ARHGAP15: variants seen among roughly 807,000 people sequenced by gnomAD.
The protein encoded by ARHGAP15 is rho GTPase-activating protein 15.
In ARHGAP15, 51 loss-of-function variants were observed where a neutral mutation model predicts 63.7. The ratio of observed to expected loss-of-function variants is 0.80; its 90% CI spans 0.64 to 1.01. ARHGAP15 has a LOEUF of 1.01. Ranked by LOEUF, ARHGAP15 falls within the 50% of genes least tolerant of loss-of-function variation. The pLI, the probability that ARHGAP15 is intolerant of heterozygous loss-of-function variation, is 0.00. For synonymous variants in ARHGAP15, 191 were observed against 193.8 expected, an observed-to-expected ratio of 0.99 and a Z score of 0.12; for missense variants, 560 against 564.6, an observed-to-expected ratio of 0.99 and a Z score of 0.08.
chr2:143,372,234 C>T (rs1210328785), intron 6 of ARHGAP15, among the ~76,000 whole-genome samples: 9 of 150,680 alleles, frequency 6.0e-5, no homozygotes, highest in African/African-American at 1.7e-4. Context: ...CCCAGGTACT[C>T]GGAAGGAAGA....
At chr2:143,731,947 A>G (rs1385993317) in intron 13 of ARHGAP15, among the ~76,000 whole-genome samples, 1 of 152,230 alleles carries the variant, frequency 6.6e-6, no homozygotes, top group Non-Finnish European at 1.5e-5. Context: ...TGATGGGGTC[A>G]GTATTTAAAA....
At chr2:143,746,125 T>C (rs16822986) in intron 13 of ARHGAP15, among the ~76,000 whole-genome samples, 16,942 of 152,228 alleles carry the variant, frequency 0.11, 1,257 homozygotes, top group Admixed American at 0.17. Context: ...ATATATTATT[T>C]GGATTATGTA....
chr2:143,377,482 T>C (rs913130406), intron 6 of ARHGAP15, among the ~76,000 whole-genome samples: 2 of 151,974 alleles, frequency 1.3e-5, no homozygotes, highest in African/African-American at 2.4e-5. Flanking sequence ...AAGAGTTACA[T>C]ATTTTTCTGC....
intron 6 of ARHGAP15, among the ~76,000 whole-genome samples, chr2:143,279,163 T>C (rs182597451): frequency 2.8e-4 from 42 of 152,292 alleles, no homozygotes; most frequent in Admixed American, 2.4e-3. Context: ...GATGTTATTA[T>C]TTCTAGGGAA....
rs76736183 is a variant in ARHGAP15, at chr2:143,712,107, T to C, written c.1244+8583T>C. On this transcript the variant is annotated intron_variant, in intron 13 of 13. Coordinates refer to ENST00000295095, the MANE Select transcript of ARHGAP15 (RefSeq NM_018460.4). ...AAACAGTAGAATGCTGGTATAGTAG[T>C]CCAAGCTAGAGATCCCCAGCTAAGG... Among the ~76,000 whole-genome samples, 674 of 152,172 alleles carry C rather than the reference T, an allele frequency of 4.4e-3. 3 individuals are homozygous for C. The highest frequency in any genetic ancestry group is 6.8e-3 in the Non-Finnish European group (460 of 67,992).
At chr2:143,511,765 A>G (rs1430562389) in intron 9 of ARHGAP15, among the ~76,000 whole-genome samples, 1 of 152,154 alleles carries the variant, frequency 6.6e-6, no homozygotes, top group Non-Finnish European at 1.5e-5. Flanking sequence ...ATGGATTTCT[A>G]TCATTGAATT....
chr2:143,241,003 C>G (rs2104947098), intron 5 of ARHGAP15, among the ~76,000 whole-genome samples: 1 of 152,192 alleles, frequency 6.6e-6, no homozygotes, highest in South Asian at 2.1e-4. Context: ...ACCTTAGGCT[C>G]TCTCAGAAAA....
intron 13 of ARHGAP15, among the ~76,000 whole-genome samples, chr2:143,743,087 G>GCAAA (rs1264144825): frequency 9.9e-5 from 15 of 152,188 alleles, no homozygotes; most frequent in Non-Finnish European, 2.2e-4. Flanking sequence ...AAAAAGAATA[G>GCAAA]CAAACAGAGA....
chr2:143,485,060 A>AT (rs1200439106), intron 8 of ARHGAP15, among the ~76,000 whole-genome samples: 4 of 151,946 alleles, frequency 2.6e-5, no homozygotes, highest in African/African-American at 9.7e-5. Context: ...TATAGTACCC[A>AT]TTTTTTAAAG....
intron 6 of ARHGAP15, among the ~76,000 whole-genome samples, chr2:143,330,132 C>CAAAAAAAAAAAAAAAA (rs367621500): frequency 4.1e-5 from 2 of 48,932 alleles, no homozygotes; most frequent in Admixed American, 3.2e-4. Context: ...AAAAAAAAAA[C>CAAAAAAAAAAAAAAAA]CAAAAACAAA....
chr2:143,651,785 G>T (rs920342931), intron 12 of ARHGAP15, among the ~76,000 whole-genome samples: 3 of 151,896 alleles, frequency 2.0e-5, no homozygotes, highest in African/African-American at 7.3e-5. Context: ...TTACATTGTG[G>T]TTTGTATTTC....
intron 8 of ARHGAP15, among the ~76,000 whole-genome samples, chr2:143,471,202 A>ATATATACACACATATG (rs1558994034): frequency 2.7e-4 from 38 of 141,836 alleles, no homozygotes; most frequent in African/African-American, 9.0e-4. Flanking sequence ...ACACACATAT[A>ATATATACACACATATG]TGTGTGTATA....
intron 6 of ARHGAP15, among the ~76,000 whole-genome samples, chr2:143,394,945 G>C (rs540129238): frequency 2.6e-5 from 4 of 152,084 alleles, no homozygotes; most frequent in Admixed American, 6.6e-5. Context: ...GAAAGTGGTC[G>C]AAATTTACCA....
intron 6 of ARHGAP15, among the ~76,000 whole-genome samples, chr2:143,338,352 C>T (rs1285750493): frequency 6.6e-6 from 1 of 152,120 alleles, no homozygotes; most frequent in Non-Finnish European, 1.5e-5. Flanking sequence ...AGACTAGTAC[C>T]TTCAACTCAC....
At chr2:143,347,592 G>C (rs1230547421) in intron 6 of ARHGAP15, among the ~76,000 whole-genome samples, 1 of 152,096 alleles carries the variant, frequency 6.6e-6, no homozygotes, top group Non-Finnish European at 1.5e-5. Context: ...CCTAAATGCT[G>C]TCAGATGAGC....
At chr2:143,746,078 T>C (rs1400968885) in intron 13 of ARHGAP15, among the ~76,000 whole-genome samples, 1 of 152,226 alleles carries the variant, frequency 6.6e-6, no homozygotes, top group African/African-American at 2.4e-5. Flanking sequence ...CAATTCTATA[T>C]GTCAGTGAAG....
intron 6 of ARHGAP15, among the ~76,000 whole-genome samples, chr2:143,333,355 A>AT (rs1684631566): frequency 6.6e-6 from 1 of 152,228 alleles, no homozygotes; most frequent in African/African-American, 2.4e-5. Context: ...ATCAAATGCC[A>AT]TGCAGCTCTT....
chr2:143,143,255 T>A (rs1689443257), intron 1 of ARHGAP15, among the ~76,000 whole-genome samples: 1 of 152,066 alleles, frequency 6.6e-6, no homozygotes, highest in African/African-American at 2.4e-5. Context: ...AAAAGGCAGT[T>A]GAATCACTTC....
intron 8 of ARHGAP15, among the ~76,000 whole-genome samples, chr2:143,469,497 C>T (rs952316160): frequency 6.6e-5 from 10 of 152,186 alleles, no homozygotes; most frequent in African/African-American, 1.9e-4. Flanking sequence ...GCCCCACACG[C>T]GAGCTCCAGT....
Sources: gnomAD v4.1 joint callset for allele counts (sites outside exome capture counted in the v4.1 genomes callset) on GRCh38, gnomAD v4.1.1 for gene constraint, MANE v1.5 for transcripts, NCBI Gene and HGNC (gene_info 2026-07-23, HGNC 2026-07-21) for gene names.